CAMKMT: variants seen among roughly 807,000 people sequenced by gnomAD.
CAMKMT encodes CaM KMT.
CAMKMT carries 53 observed loss-of-function variants against 48.0 expected under a neutral mutation model. The ratio of observed to expected loss-of-function variants is 1.10; its 90% CI spans 0.89 to 1.39. The LOEUF is 1.39. Ranked by LOEUF, CAMKMT falls within the 40% of genes most tolerant of loss-of-function variation. The pLI, the probability that CAMKMT is intolerant of heterozygous loss-of-function variation, is 0.00. For missense variants in CAMKMT, 428 were observed against 402.7 expected, an observed-to-expected ratio of 1.06 and a Z score of -0.54; for synonymous variants, 165 against 152.3, an observed-to-expected ratio of 1.08 and a Z score of -0.61.
intron 3 of CAMKMT, among the ~76,000 whole-genome samples, chr2:44,408,047 G>C (rs1443847522): frequency 1.7e-5 from 2 of 118,554 alleles, no homozygotes; most frequent in African/African-American, 4.3e-5. Flanking sequence ...TTTTTTTTGA[G>C]ATGGAGTCTC....
At chr2:44,668,674 A>G (rs1675148872) in intron 3 of CAMKMT, among the ~76,000 whole-genome samples, 1 of 152,100 alleles carries the variant, frequency 6.6e-6, no homozygotes, top group African/African-American at 2.4e-5. Context: ...AATATTACCA[A>G]TGTTTTTAAC....
chr2:44,414,669 G>A lies in CAMKMT; in HGVS notation c.376+24364G>A, dbSNP rs1683429529. 2.6e-5 allele frequency among the ~76,000 whole-genome samples: 4 copies of A among 152,296 alleles called. 1 individual carries two copies. The East Asian group carries it at 7.7e-4, about 29-fold the overall frequency. On this transcript the variant is annotated intron_variant, in intron 3 of 10. Transcript: ENST00000378494. Reference sequence around the variant, plus strand: ...ATACAGACCAACCCTAATCCCCTGAGAGAGGGGACTACACAGGGTGGAAAT... The same window carrying A: ...ATACAGACCAACCCTAATCCCCTGAAAGAGGGGACTACACAGGGTGGAAAT...
chr2:44,453,636 A>G (rs904217429), intron 3 of CAMKMT, among the ~76,000 whole-genome samples: 1 of 152,106 alleles, frequency 6.6e-6, no homozygotes, highest in Non-Finnish European at 1.5e-5. Context: ...GCAAATTTGT[A>G]TCATGTAGTT....
At chr2:44,390,137 G>T in intron 2 of CAMKMT, 104 bp from the exon 3 acceptor site, 1 of 746,710 alleles carries the variant, frequency 1.3e-6, no homozygotes, top group Non-Finnish European at 2.2e-6. Flanking sequence ...ATAATTTATT[G>T]CTATTGGGTA....
chr2:44,747,009 T>C (rs1260818401), intron 8 of CAMKMT, among the ~76,000 whole-genome samples: 1 of 152,212 alleles, frequency 6.6e-6, no homozygotes, highest in African/African-American at 2.4e-5. Flanking sequence ...CTCTGTGCAT[T>C]TGAATTCTCA....
intron 3 of CAMKMT, among the ~76,000 whole-genome samples, chr2:44,476,426 A>G (rs189061638): frequency 6.6e-6 from 1 of 152,282 alleles, no homozygotes; most frequent in African/African-American, 2.4e-5. Flanking sequence ...AGCATCAACT[A>G]TTTAAATTTT....
chr2:44,515,727 G>T (rs930088201), intron 3 of CAMKMT, among the ~76,000 whole-genome samples: 24 of 152,172 alleles, frequency 1.6e-4, no homozygotes, highest in Non-Finnish European at 2.9e-4. Flanking sequence ...CAGCTGGGAG[G>T]AACTAATGGA....
chr2:44,708,581 C>A (rs1677695735), intron 6 of CAMKMT, among the ~76,000 whole-genome samples: 1 of 152,104 alleles, frequency 6.6e-6, no homozygotes, highest in Admixed American at 6.6e-5. Flanking sequence ...GGAAGGAGAT[C>A]ACAAAAGGTG....
chr2:44,505,524 A>G (rs1228694868), intron 3 of CAMKMT, among the ~76,000 whole-genome samples: 1 of 152,174 alleles, frequency 6.6e-6, no homozygotes, highest in East Asian at 1.9e-4. Context: ...CTTATGTTTT[A>G]CATTAAGTCT....
At chr2:44,470,500 C>CAG (rs10623238) in intron 3 of CAMKMT, among the ~76,000 whole-genome samples, 103,710 of 151,742 alleles carry the variant, frequency 0.68, 35,522 homozygotes, top group Admixed American at 0.77. Context: ...TTGGAGGTGT[C>CAG]TGGTTTCTTC....
intron 3 of CAMKMT, among the ~76,000 whole-genome samples, chr2:44,531,430 G>T (rs1167741835): frequency 6.6e-6 from 1 of 152,044 alleles, no homozygotes; most frequent in Admixed American, 6.5e-5. Flanking sequence ...GCTGTTTTAA[G>T]GTTCTTTAAA....
rs1668421394 is a variant in CAMKMT at position 44,471,575 on chromosome 2, G to A, written c.376+81270G>A. Among the ~76,000 whole-genome samples the A allele has an allele frequency of 3.3e-5, 5 of 152,052 alleles. No homozygotes were observed. In the South Asian group the frequency reaches 1.0e-3, roughly 31 times the overall value. On this transcript the variant is annotated intron_variant, in intron 3 of 10. Transcript: ENST00000378494. ...TGATTGTGCCAATACACTCTAGCCT[G>A]AGTAACAGAGCAAGACCCTGTCTCA...
chr2:44,634,955 T>C lies in CAMKMT; in HGVS notation c.377-69328T>C, dbSNP rs543088121. ...TGGGTGCAGTGGCTCATGCCTGTAATCGCAGTGCTTTGGGAGGCCAAGGTG... is the reference window on the plus strand; with the variant it reads ...TGGGTGCAGTGGCTCATGCCTGTAACCGCAGTGCTTTGGGAGGCCAAGGTG... On this transcript the variant is annotated intron_variant, in intron 3 of 10. Coordinates refer to ENST00000378494, the MANE Select transcript of CAMKMT (RefSeq NM_024766.5). Among the ~76,000 whole-genome samples the C allele has an allele frequency of 2.0e-5, 3 of 152,334 alleles. No individual in the cohort carries two copies. In the South Asian group the frequency reaches 6.2e-4, roughly 32 times the overall value.
intron 3 of CAMKMT, among the ~76,000 whole-genome samples, chr2:44,685,418 G>C (rs540013735): frequency 3.3e-4 from 51 of 152,314 alleles, no homozygotes; most frequent in African/African-American, 9.4e-4. Flanking sequence ...GGGCTGGAGA[G>C]TGAGTATGCA....
intron 3 of CAMKMT, among the ~76,000 whole-genome samples, chr2:44,641,280 A>G (rs964040449): frequency 1.3e-5 from 2 of 152,162 alleles, no homozygotes; most frequent in Middle Eastern, 3.2e-3. Flanking sequence ...ACGGTTGCCT[A>G]TTCTTTTTCT....
At chr2:44,489,821 G>GT (rs1669399084) in intron 3 of CAMKMT, among the ~76,000 whole-genome samples, 1 of 152,120 alleles carries the variant, frequency 6.6e-6, no homozygotes, top group Admixed American at 6.5e-5. Flanking sequence ...TGAGAACAGT[G>GT]TTTTTATGTC....
intron 3 of CAMKMT, among the ~76,000 whole-genome samples, chr2:44,531,096 A>C (rs377169916): frequency 6.6e-6 from 1 of 152,098 alleles, no homozygotes; most frequent in East Asian, 1.9e-4. Flanking sequence ...TCACAAGACA[A>C]ACTGAGGATA....
intron 3 of CAMKMT, among the ~76,000 whole-genome samples, 162 bp downstream of exon 3, chr2:44,390,467 G>T (rs879821055): frequency 1.3e-5 from 2 of 149,652 alleles, no homozygotes; most frequent in Non-Finnish European, 1.5e-5. Context: ...AATAAGCCTT[G>T]TATAAGGTAC....
intron 3 of CAMKMT, among the ~76,000 whole-genome samples, chr2:44,613,188 T>G (rs567464009): frequency 3.9e-5 from 6 of 152,352 alleles, no homozygotes; most frequent in African/African-American, 1.4e-4. Context: ...TGTTTTTTAT[T>G]TATGTAATTA....
Sources: gnomAD v4.1 joint callset for allele counts (sites outside exome capture counted in the v4.1 genomes callset) on GRCh38, gnomAD v4.1.1 for gene constraint, MANE v1.5 for transcripts, NCBI Gene and HGNC (gene_info 2026-07-23, HGNC 2026-07-21) for gene names.